The following PALS2 variants were observed in gnomAD, a reference collection of about 807,000 sequenced individuals.
PALS2 encodes the protein protein PALS2.
PALS2 carries 27 observed loss-of-function variants against 61.6 expected under a neutral mutation model. That is an observed-to-expected ratio of 0.44 (90% CI 0.32 to 0.60). The LOEUF is 0.60. Ranked by LOEUF, PALS2 falls within the 20% of genes least tolerant of loss-of-function variation. The pLI, the probability that PALS2 is intolerant of heterozygous loss-of-function variation, is 0.05. For synonymous variants in PALS2, 236 were observed against 218.6 expected (o/e 1.08, Z -0.70); for missense variants, 554 against 639.4 (o/e 0.87, Z 1.44).
intron 5 of PALS2, among the ~76,000 whole-genome samples, chr7:24,658,376 T>C (rs1786533861): frequency 6.6e-6 from 1 of 152,194 alleles, no homozygotes; most frequent in Non-Finnish European, 1.5e-5. Flanking sequence ...TAATGTCCTT[T>C]TCTACTAATT....
At chr7:24,585,257 A>G (rs1422227719) in intron 1 of PALS2, among the ~76,000 whole-genome samples, 2 of 151,620 alleles carry the variant, frequency 1.3e-5, no homozygotes, top group African/African-American at 4.9e-5. Flanking sequence ...CTTGGGCAGT[A>G]TGGCCATTTT....
At chr7:24,577,821 T>A (rs1782695000) in intron 1 of PALS2, among the ~76,000 whole-genome samples, 2 of 152,214 alleles carry the variant, frequency 1.3e-5, no homozygotes, top group Admixed American at 6.5e-5. Context: ...TCCCATTACC[T>A]TTTTTACTTA....
rs1424277770 is a variant in PALS2, at chr7:24,596,319, T to C, written c.-3+22726T>C. On this transcript the variant is annotated intron_variant, in intron 1 of 11. Transcript: ENST00000222644. The surrounding 1 kb of genome is among the most constrained non-coding windows in gnomAD (Gnocchi z 4.5). The stretch of plus-strand genomic sequence containing the variant: ...GATGGCTTTTCTTCAGTCACCTCCA[T>C]TGTGACCGAATTGAAGAACCAGTTT... 6.6e-6 allele frequency among the ~76,000 whole-genome samples: 1 copy of C among 152,130 alleles called. No individual in the cohort carries two copies. The highest frequency in any genetic ancestry group is 2.4e-5 in the African/African-American group (1 of 41,430).
Position 24,687,120 on chromosome 7 carries a change from C to G in PALS2, c.1447-318C>G, listed in dbSNP as rs1584019830. Among the ~76,000 whole-genome samples, 2 of 152,106 alleles carry G rather than the reference C, an allele frequency of 1.3e-5. No individual in the cohort carries two copies. Among genetic ancestry groups the G allele is most frequent in the African/African-American group, 4.8e-5 (2 of 41,440 alleles). On this transcript the variant is annotated intron_variant, in intron 11 of 11. Coordinates refer to ENST00000222644, the MANE Select transcript of PALS2 (RefSeq NM_001303037.2). The surrounding 1 kb of genome is among the most constrained non-coding windows in gnomAD (Gnocchi z 4.5). Reference sequence around the variant, plus strand: ...ATATAGTGGAGCTGGAAACCAGTCACCTGCAGTAATTGTTTTGTTACTGTA... The same window carrying G: ...ATATAGTGGAGCTGGAAACCAGTCAGCTGCAGTAATTGTTTTGTTACTGTA...
In PALS2 at chr7:24,608,632, T is replaced by C. The variant is rs552059176; in HGVS notation, c.-2-15034T>C. Among the ~76,000 whole-genome samples, 4 of 152,338 alleles carry C rather than the reference T, an allele frequency of 2.6e-5. No individual in the cohort carries two copies. In the South Asian group the frequency reaches 8.3e-4, roughly 32 times the overall value. On this transcript the variant is annotated intron_variant, in intron 1 of 11. Coordinates refer to ENST00000222644, the MANE Select transcript of PALS2 (RefSeq NM_001303037.2). ...TTAATTTTAATTTTTGTTTTTATTT[T>C]AGAAACAGTGTCTTGCTGTTACCTA...
chr7:24,579,657 T>C (rs899370776), intron 1 of PALS2, among the ~76,000 whole-genome samples: 5 of 152,164 alleles, frequency 3.3e-5, no homozygotes, highest in Non-Finnish European at 7.4e-5. Flanking sequence ...CCCAGCACTT[T>C]GTTACCTACT....
intron 3 of PALS2, 54 bp downstream of exon 3, chr7:24,641,922 C>T: frequency 6.5e-7 from 1 of 1,533,678 alleles, no homozygotes; most frequent in Non-Finnish European, 8.9e-7. Flanking sequence ...AAAGTATTCT[C>T]CTTTACTTTC....
rs1788462318 is a variant in PALS2, at chr7:24,691,403, G to GTGTGTGTGTA, written c.*3792_*3793insGTGTGTATGT. The GTGTGTGTGTA allele has an allele frequency of 4.6e-5, 5 of 108,076 alleles. No individual in the cohort carries two copies. The highest frequency in any genetic ancestry group is 1.5e-4 in the African/African-American group (5 of 32,930). The allele number at this position is 108,076 out of a possible 1,614,324, so 6.7% of individuals were successfully genotyped here. On this transcript the variant is annotated 3_prime_UTR_variant, in exon 12 of 12. Transcript: ENST00000222644. ...ATATATTATGTATGTGTGTGTGTGT[G>GTGTGTGTGTA]TGTATATATATATATATATATATAT...
chr7:24,596,152 A>G lies in PALS2; in HGVS notation c.-3+22559A>G, dbSNP rs957067416. On this transcript the variant is annotated intron_variant, in intron 1 of 11. Coordinates refer to ENST00000222644, the MANE Select transcript of PALS2 (RefSeq NM_001303037.2). This position sits in a 1 kb window ranked among gnomAD's most constrained non-coding sequence, Gnocchi z 4.5. ...AAAATCTGTTTTGTGTTTTAAAATGATGGCTCTAGCCACTCTGGGGAGAAT... is the reference window on the plus strand; with the variant it reads ...AAAATCTGTTTTGTGTTTTAAAATGGTGGCTCTAGCCACTCTGGGGAGAAT... Among the ~76,000 whole-genome samples, 1 of 152,160 alleles carries G rather than the reference A, an allele frequency of 6.6e-6. No individual in the cohort carries two copies. The highest frequency in any genetic ancestry group is 1.5e-5 in the Non-Finnish European group (1 of 68,032).
At chr7:24,640,944 C>G (rs986306452) in intron 2 of PALS2, among the ~76,000 whole-genome samples, 5 of 131,512 alleles carry the variant, frequency 3.8e-5, no homozygotes, top group Admixed American at 3.7e-4. Context: ...GGAGGCGGAG[C>G]TTGCAGTGAG....
chr7:24,649,021 T>C (rs1451901738), intron 3 of PALS2, among the ~76,000 whole-genome samples: 2 of 152,186 alleles, frequency 1.3e-5, no homozygotes, highest in Non-Finnish European at 2.9e-5. Context: ...GGACTATTAC[T>C]GACTTGTTTT....
intron 1 of PALS2, among the ~76,000 whole-genome samples, chr7:24,594,033 C>G (rs1783404435): frequency 6.6e-6 from 1 of 152,144 alleles, no homozygotes; most frequent in Admixed American, 6.6e-5. Flanking sequence ...AGCATAGTCA[C>G]CACCTTCATC....
chr7:24,612,464 G>A (rs546886803), intron 1 of PALS2, among the ~76,000 whole-genome samples: 53 of 151,666 alleles, frequency 3.5e-4, no homozygotes, highest in African/African-American at 1.2e-3. Flanking sequence ...AAATGCTTTT[G>A]GGATTTCTAT....
chr7:24,643,927 T>C lies in PALS2; in HGVS notation c.270+2059T>C, dbSNP rs151269591. Among the ~76,000 whole-genome samples the C allele has an allele frequency of 4.1e-4, 63 of 152,156 alleles. 1 individual carries two copies. Among genetic ancestry groups the C allele is most frequent in the Middle Eastern group, 3.4e-3 (1 of 294 alleles). On this transcript the variant is annotated intron_variant, in intron 3 of 11. Coordinates refer to ENST00000222644, the MANE Select transcript of PALS2 (RefSeq NM_001303037.2). ...CTTTTGGCCCACCACAGGGCTGAGA[T>C]TGGTCCTTTGATTAAAGGTGGTGAT...
chr7:24,689,321 CATT>C lies in PALS2; in HGVS notation c.*1711_*1713del, dbSNP rs1278430219. 6.6e-6 allele frequency: 1 copy of C among 152,138 alleles called. No homozygotes were observed. The highest frequency in any genetic ancestry group is 1.5e-5 in the Non-Finnish European group (1 of 68,026). 9.4% of individuals were successfully genotyped at this position (152,138 alleles called of 1,614,324 possible). A position where few individuals can be genotyped will look rare whatever the true frequency, so the allele number is the denominator to read the frequency against. The stretch of plus-strand genomic sequence containing the variant: ...TATTGTTGCTAGCTTTTCATGTAAA[CATT>C]ATTCACACTTTAAAGGATTAGGTGT... On this transcript the variant is annotated 3_prime_UTR_variant, in exon 12 of 12. Transcript: ENST00000222644.
chr7:24,586,949 CAG>C (rs1367192750), intron 1 of PALS2, among the ~76,000 whole-genome samples: 1 of 152,054 alleles, frequency 6.6e-6, no homozygotes, highest in Non-Finnish European at 1.5e-5. Flanking sequence ...TCTGGATTTT[CAG>C]AGTTTGGAAA....
At position 24,596,327 on chromosome 7, in the gene PALS2, G is replaced by A. The variant is rs1236523514; in HGVS notation, c.-3+22734G>A. Reference sequence around the variant, plus strand: ...TTCTTCAGTCACCTCCATTGTGACCGAATTGAAGAACCAGTTTATCATTGG... The same window carrying A: ...TTCTTCAGTCACCTCCATTGTGACCAAATTGAAGAACCAGTTTATCATTGG... On this transcript the variant is annotated intron_variant, in intron 1 of 11. Transcript: ENST00000222644. The surrounding 1 kb of genome is among the most constrained non-coding windows in gnomAD (Gnocchi z 4.5). 6.6e-6 allele frequency among the ~76,000 whole-genome samples: 1 copy of A among 152,084 alleles called. No individual in the cohort carries two copies.
chr7:24,594,560 C>G (rs1431598228), intron 1 of PALS2, among the ~76,000 whole-genome samples: 1 of 152,010 alleles, frequency 6.6e-6, no homozygotes, highest in Non-Finnish European at 1.5e-5. Context: ...TATTAATTAG[C>G]CTCATTTCAA....
intron 11 of PALS2, 39 bp downstream of exon 11, chr7:24,680,559 T>A: frequency 6.3e-7 from 1 of 1,587,014 alleles, no homozygotes; most frequent in South Asian, 1.2e-5. Flanking sequence ...AAATCTTTCC[T>A]TTTCTTTTGA....
Sources: gnomAD v4.1 joint callset for allele counts (sites outside exome capture counted in the v4.1 genomes callset) on GRCh38, gnomAD v4.1.1 for gene constraint, Gnocchi (gnomAD v3.1) non-coding constraint, MANE v1.5 for transcripts, NCBI Gene and HGNC (gene_info 2026-07-23, HGNC 2026-07-21) for gene names.